Variants in DISC1 observed in about 807,000 individuals in gnomAD.
DISC1 encodes disrupted in schizophrenia 1 protein.
A neutral mutation model predicts 84.5 loss-of-function variants in DISC1; 57 were observed. The observed-to-expected ratio is 0.67, with a 90% CI of 0.55 to 0.84. DISC1 has a LOEUF of 0.84. Among genes scored for constraint, DISC1 ranks in the 40% least tolerant of loss-of-function variants. The pLI, the probability that DISC1 is intolerant of heterozygous loss-of-function variation, is 0.00. For missense variants in DISC1, 1,000 were observed against 1,057.8 expected (o/e 0.95, Z 0.76); for synonymous variants, 411 against 415.2 (o/e 0.99, Z 0.12).
chr1:231,981,338 A>G (rs1663577810), intron 10 of DISC1, among the ~76,000 whole-genome samples: 1 of 152,220 alleles, frequency 6.6e-6, no homozygotes, highest in South Asian at 2.1e-4. Context: ...TGCAAAATGT[A>G]TCATATCAGA....
chr1:231,989,190 A>G (rs112736511), intron 10 of DISC1, among the ~76,000 whole-genome samples: 50 of 152,350 alleles, frequency 3.3e-4, no homozygotes, highest in African/African-American at 1.2e-3. Flanking sequence ...GCTGAAACAT[A>G]TCTATCAAGA....
chr1:231,999,105 C>G (rs1431058826), intron 10 of DISC1, among the ~76,000 whole-genome samples: 1 of 151,768 alleles, frequency 6.6e-6, no homozygotes, highest in African/African-American at 2.4e-5. Flanking sequence ...TTTGATCCAC[C>G]CAATGGAAAG....
chr1:231,818,133 G>A (rs1328627264), intron 8 of DISC1, among the ~76,000 whole-genome samples, 196 bp from the exon 9 acceptor site: 1 of 152,210 alleles, frequency 6.6e-6, no homozygotes, highest in African/African-American at 2.4e-5. Flanking sequence ...AAAAAAGACG[G>A]TGATTTTTCC....
At chr1:232,030,518 G>A (rs1244964391) in intron 12 of DISC1, among the ~76,000 whole-genome samples, 2 of 152,150 alleles carry the variant, frequency 1.3e-5, no homozygotes, top group East Asian at 1.9e-4. Context: ...ATCCATGTCT[G>A]GGAAGCCCTT....
rs187990997 is a variant in DISC1 at position 231,991,408 on chromosome 1, T to A, written c.2043-17377T>A. On this transcript the variant is annotated intron_variant, in intron 10 of 12. Coordinates refer to ENST00000439617, the MANE Select transcript of DISC1 (RefSeq NM_018662.3). Reference sequence around the variant, plus strand: ...ATTTACGAGGAGTGCTCTCTCCTTGTCTTGCTCCTGCTTCCCTTTAAAATT... The same window carrying A: ...ATTTACGAGGAGTGCTCTCTCCTTGACTTGCTCCTGCTTCCCTTTAAAATT... Among the ~76,000 whole-genome samples the A allele has an allele frequency of 1.2e-4, 19 of 152,380 alleles. No individual in the cohort carries two copies. In the East Asian group the frequency reaches 3.7e-3, roughly 29 times the overall value.
At chr1:231,866,999 C>A (rs148119680) in intron 9 of DISC1, among the ~76,000 whole-genome samples, 7 of 152,274 alleles carry the variant, frequency 4.6e-5, no homozygotes, top group Admixed American at 4.6e-4. Context: ...CTTTAAAATA[C>A]AGAATAAAAA....
intron 3 of DISC1, among the ~76,000 whole-genome samples, chr1:231,720,607 T>C (rs554467228): frequency 3.7e-4 from 57 of 152,342 alleles, no homozygotes; most frequent in African/African-American, 1.2e-3. Flanking sequence ...CTCAAAGTGC[T>C]GGGATTACAG....
chr1:231,815,133 A>G (rs1455034838), intron 8 of DISC1: 1 of 151,908 alleles, frequency 6.6e-6, no homozygotes, highest in Admixed American at 6.6e-5. Flanking sequence ...CATTAATGTT[A>G]TATATTTATT....
At chr1:231,634,173 C>T (rs185524245) in intron 1 of DISC1, among the ~76,000 whole-genome samples, 154 of 152,114 alleles carry the variant, frequency 1.0e-3, no homozygotes, top group African/African-American at 3.5e-3. Flanking sequence ...AGTGAGCCAC[C>T]GCGCCTGGCC....
intron 4 of DISC1, among the ~76,000 whole-genome samples, chr1:231,762,451 C>T (rs913495504): frequency 6.6e-6 from 1 of 151,318 alleles, no homozygotes; most frequent in Non-Finnish European, 1.5e-5. Context: ...CCTGCCACTT[C>T]AGCCTCCCAA....
At chr1:231,879,943 G>C (rs1201955781) in intron 9 of DISC1, among the ~76,000 whole-genome samples, 3 of 152,206 alleles carry the variant, frequency 2.0e-5, no homozygotes, top group Admixed American at 6.5e-5. Flanking sequence ...ATGCAAACTG[G>C]AGAGTCATTA....
At chr1:231,890,354 A>G (rs923017039) in intron 9 of DISC1, among the ~76,000 whole-genome samples, 4 of 152,210 alleles carry the variant, frequency 2.6e-5, no homozygotes, top group African/African-American at 9.6e-5. Context: ...TAAAATATGG[A>G]ATTGTCTCTG....
chr1:231,866,585 C>T (rs769394387), intron 9 of DISC1: 3 of 1,341,810 alleles, frequency 2.2e-6, no homozygotes, highest in Non-Finnish European at 3.2e-6. Flanking sequence ...CTGAGGACAG[C>T]CTGCAGGACA....
intron 9 of DISC1, among the ~76,000 whole-genome samples, chr1:231,909,223 G>A (rs2088969302): frequency 6.6e-6 from 1 of 152,172 alleles, no homozygotes; most frequent in Admixed American, 6.5e-5. Flanking sequence ...TAGGAGTGGT[G>A]AGAGAGGGCA....
intron 1 of DISC1, among the ~76,000 whole-genome samples, chr1:231,660,472 T>C (rs919980571): frequency 6.6e-6 from 1 of 151,742 alleles, no homozygotes; most frequent in African/African-American, 2.4e-5. Context: ...AAAAAAAAAA[T>C]ATATATATTT....
At chr1:231,801,073 G>A (rs2079200066) in intron 8 of DISC1, among the ~76,000 whole-genome samples, 1 of 152,062 alleles carries the variant, frequency 6.6e-6, no homozygotes, top group African/African-American at 2.4e-5. Context: ...GTTTTAAATG[G>A]TATTTTAAGA....
rs1319160069 is a variant in DISC1, at chr1:231,682,459, G to T, written c.68-11367G>T. ...CTTCAGTGACTCTGTGCCAGGCATG[G>T]TATAGCACGGTTAAAGTCATAATCT... On this transcript the variant is annotated intron_variant, in intron 1 of 12. Coordinates refer to ENST00000439617, the MANE Select transcript of DISC1 (RefSeq NM_018662.3). Among the ~76,000 whole-genome samples, 10 of 152,146 alleles carry T rather than the reference G, an allele frequency of 6.6e-5. No individual in the cohort carries two copies. The East Asian group carries it at 1.9e-3, about 29-fold the overall frequency.
chr1:231,836,810 AGCCCC>A (rs2082662828), intron 9 of DISC1, among the ~76,000 whole-genome samples: 2 of 152,276 alleles, frequency 1.3e-5, no homozygotes, highest in African/African-American at 2.4e-5. Flanking sequence ...AAGTGCGCTA[AGCCCC>A]GCCCCGCCCC....
Position 231,675,398 on chromosome 1 carries a change from C to T in DISC1, c.68-18428C>T, listed in dbSNP as rs1379601142. On this transcript the variant is annotated intron_variant, in intron 1 of 12. Coordinates refer to ENST00000439617, the MANE Select transcript of DISC1 (RefSeq NM_018662.3). The surrounding 1 kb of genome is among the most constrained non-coding windows in gnomAD (Gnocchi z 4.1). ...TGCCTTTGTGGTGGTTAACACTCAA[C>T]CTCAGAGACAAAGATCTAAGCAGGA... Among the ~76,000 whole-genome samples the T allele has an allele frequency of 6.6e-6, 1 of 152,054 alleles. No homozygotes were observed. Among genetic ancestry groups the T allele is most frequent in the Non-Finnish European group, 1.5e-5 (1 of 68,004 alleles).
Sources: allele counts gnomAD v4.1 joint callset (sites outside exome capture counted in the v4.1 genomes callset), GRCh38; gene constraint gnomAD v4.1.1; non-coding constraint Gnocchi (gnomAD v3.1); transcripts MANE v1.5; gene names NCBI Gene and HGNC (gene_info 2026-07-23, HGNC 2026-07-21).